The following ATIC variants were observed in gnomAD, a reference collection of about 807,000 sequenced individuals.
ATIC encodes the protein 5-aminoimidazole-4-carboxamide ribonucleotide formyltransferase/IMP cyclohydrolase.
A neutral mutation model predicts 72.5 loss-of-function variants in ATIC; 64 were observed. That is an observed-to-expected ratio of 0.88 (90% CI 0.72 to 1.09). The LOEUF (loss-of-function observed/expected upper bound fraction) is 1.09, where lower values mean the gene tolerates loss of function less well. ATIC is among the 50% of genes least tolerant of loss of function. ATIC has a pLI of 0.00. For synonymous variants in ATIC, 281 were observed against 267.1 expected (o/e 1.05, Z -0.51); for missense variants, 787 against 732.4 (o/e 1.07, Z -0.86).
chr2:215,349,817 T>A, downstream of ATIC: 1 of 1,232,166 alleles, frequency 8.1e-7, no homozygotes, highest in Non-Finnish European at 1.1e-6. Context: ...CTCTTTGAAC[T>A]GACACATGAC....
At chr2:215,354,135 C>A (rs2053149892), downstream of ATIC, among the ~76,000 whole-genome samples, 1 of 151,932 alleles carries the variant, frequency 6.6e-6, no homozygotes, top group African/African-American at 2.4e-5. Flanking sequence ...TCAAGCGATT[C>A]TCATGCCTCA....
intron 2 of ATIC, among the ~76,000 whole-genome samples, chr2:215,313,268 G>A (rs973233957): frequency 5.1e-4 from 78 of 152,184 alleles, no homozygotes; most frequent in African/African-American, 1.8e-3. Context: ...CAGTTACTTT[G>A]ACTGGTGATT....
chr2:215,349,664 C>T lies in ATIC; in HGVS notation c.*9C>T. 2 of 1,614,198 alleles carry T rather than the reference C, an allele frequency of 1.2e-6. No homozygotes were observed. The highest frequency in any genetic ancestry group is 1.1e-5 in the South Asian group (1 of 91,084). ...GGCTCTTCCACCACTGATTTTACCA[C>T]ACACTGTTTTTTGGCTTGCTTATGT... On this transcript the variant is annotated 3_prime_UTR_variant, in exon 16 of 16. Coordinates refer to ENST00000236959, the MANE Select transcript of ATIC (RefSeq NM_004044.7).
At chr2:215,346,993 T>C (rs759275995) in intron 14 of ATIC, 52 bp downstream of exon 14, 1 of 1,578,954 alleles carries the variant, frequency 6.3e-7, no homozygotes, top group Non-Finnish European at 8.7e-7. Flanking sequence ...AGTTCAACCC[T>C]TTATGTGTAA....
chr2:215,344,754 A>T, intron 12 of ATIC, 25 bp from the exon 13 acceptor site: 1 of 1,606,258 alleles, frequency 6.2e-7, no homozygotes, highest in Non-Finnish European at 8.5e-7. Context: ...GCCCCATGCA[A>T]TTTACCATTG....
chr2:215,320,106 C>T (rs145610902), intron 4 of ATIC, among the ~76,000 whole-genome samples: 43 of 152,266 alleles, frequency 2.8e-4, no homozygotes, highest in African/African-American at 7.9e-4. Context: ...GTCATGTTGA[C>T]GCTCAAAAAG....
At chr2:215,321,665 G>A (rs1372765718) in intron 4 of ATIC, among the ~76,000 whole-genome samples, 1 of 152,134 alleles carries the variant, frequency 6.6e-6, no homozygotes, top group Non-Finnish European at 1.5e-5. Flanking sequence ...TTTGATTCTA[G>A]TCATTCTAGG....
chr2:215,346,976 A>G, intron 14 of ATIC, 35 bp downstream of exon 14: 1 of 1,608,618 alleles, frequency 6.2e-7, no homozygotes, highest in African/African-American at 1.3e-5. Flanking sequence ...CGGCTGTGTT[A>G]ATATTCAGTT....
At chr2:215,360,381 A>AT in the ATIC span, 1 of 152,234 alleles carries the variant, frequency 6.6e-6, no homozygotes, top group East Asian at 1.9e-4. Flanking sequence ...AAAGTAAGAC[A>AT]TGTTAGATGG....
chr2:215,331,528 G>A (rs959508325), intron 7 of ATIC, among the ~76,000 whole-genome samples: 1 of 151,716 alleles, frequency 6.6e-6, no homozygotes, highest in Non-Finnish European at 1.5e-5. Context: ...GATTACATGC[G>A]CCCGCCACCA....
At chr2:215,342,107 T>G (rs1195398895) in intron 12 of ATIC, among the ~76,000 whole-genome samples, 2 of 152,298 alleles carry the variant, frequency 1.3e-5, no homozygotes, top group African/African-American at 2.4e-5. Flanking sequence ...TCCTGCCTGT[T>G]GACACATGGG....
rs143432588 is a variant in ATIC at position 215,321,929 on chromosome 2, G to A, written c.290+2198G>A. Among the ~76,000 whole-genome samples the A allele has an allele frequency of 5.1e-3, 780 of 151,786 alleles. 6 individuals are homozygous for A. Among genetic ancestry groups the A allele is most frequent in the African/African-American group, 0.018 (743 of 41,400 alleles). ...ACAAGTTTTTTCTTTTTTTTGAGAC[G>A]GAGTCTTACTCTCGCCCAGGCTGGA... On this transcript the variant is annotated intron_variant, in intron 4 of 15. Transcript: ENST00000236959.
intron 4 of ATIC, 48 bp from the exon 5 acceptor site, chr2:215,325,183 GCTGTAAACCA>G: frequency 7.6e-7 from 1 of 1,313,318 alleles, no homozygotes; most frequent in Non-Finnish European, 1.1e-6. Flanking sequence ...TTCCTAGATA[GCTGTAAACCA>G]CATGAGTGGA....
the ATIC span, chr2:215,363,211 T>C: frequency 1.3e-5 from 2 of 152,260 alleles, no homozygotes; most frequent in South Asian, 4.1e-4. Context: ...CACTTGAGAA[T>C]AGAATAAGTG....
At chr2:215,329,848 C>T (rs1022628339) in intron 7 of ATIC, among the ~76,000 whole-genome samples, 4 of 152,048 alleles carry the variant, frequency 2.6e-5, no homozygotes, top group African/African-American at 7.2e-5. Context: ...CCACAACCTC[C>T]GCCTCCCAGG....
chr2:215,345,594 C>G (rs1036619565), intron 13 of ATIC: 4 of 152,654 alleles, frequency 2.6e-5, no homozygotes, highest in African/African-American at 9.7e-5. Context: ...CTGAGCTTAT[C>G]TCTTGGCATT....
intron 4 of ATIC, among the ~76,000 whole-genome samples, chr2:215,320,537 A>G (rs1235136985): frequency 6.6e-6 from 1 of 152,126 alleles, no homozygotes. Context: ...GAGGGAGAGG[A>G]GGAGTTGCCC....
chr2:215,337,689 T>G (rs529048789), intron 11 of ATIC, among the ~76,000 whole-genome samples: 6 of 152,274 alleles, frequency 3.9e-5, no homozygotes, highest in East Asian at 1.9e-4. Flanking sequence ...ATCAAGTTTT[T>G]TTTTTGTTGT....
At chr2:215,350,607 C>T (rs906256202), downstream of ATIC, among the ~76,000 whole-genome samples, 1 of 152,112 alleles carries the variant, frequency 6.6e-6, no homozygotes, top group African/African-American at 2.4e-5. Flanking sequence ...GAAATGTTTC[C>T]CAGAATTTCA....
Sources: allele counts gnomAD v4.1 joint callset (sites outside exome capture counted in the v4.1 genomes callset), GRCh38; gene constraint gnomAD v4.1.1; transcripts MANE v1.5; gene names NCBI Gene and HGNC (gene_info 2026-07-23, HGNC 2026-07-21).